FAM177A1: variants seen among roughly 807,000 people sequenced by gnomAD.
The protein encoded by FAM177A1 is family with sequence similarity 177 member A1, also known as protein FAM177A1.
Under a neutral mutation model 26.1 loss-of-function variants are expected in FAM177A1, and 22 were observed. The ratio of observed to expected loss-of-function variants is 0.84; its 90% CI spans 0.60 to 1.20. FAM177A1 has a LOEUF of 1.20. Ranked by LOEUF, FAM177A1 falls within the 50% of genes most tolerant of loss-of-function variation. The pLI, the probability that FAM177A1 is intolerant of heterozygous loss-of-function variation, is 0.00. For synonymous variants in FAM177A1, 95 were observed against 99.3 expected (o/e 0.96, Z 0.26); for missense variants, 296 against 291.1 (o/e 1.02, Z -0.12).
intron 1 of FAM177A1, chr14:35,046,864 G>T (rs1450922049): frequency 3.3e-5 from 44 of 1,325,970 alleles, no homozygotes; most frequent in Non-Finnish European, 4.2e-5. Context: ...GCGGCCTCGG[G>T]TTCCTGGGGT....
chr14:35,079,693 A>G lies in FAM177A1; in HGVS notation c.504+669A>G, dbSNP rs139039494. 1.6e-4 allele frequency among the ~76,000 whole-genome samples: 24 copies of G among 152,240 alleles called. 1 individual carries two copies. In the East Asian group the frequency reaches 4.3e-3, roughly 27 times the overall value. On this transcript the variant is annotated intron_variant, in intron 4 of 4. Transcript: ENST00000280987. Reference sequence around the variant, plus strand: ...AGCATCCATGCTCGGGGGCTGCTCTACAGATTAAATACATTAATATATAAA... The same window carrying G: ...AGCATCCATGCTCGGGGGCTGCTCTGCAGATTAAATACATTAATATATAAA...
intron 2 of FAM177A1, among the ~76,000 whole-genome samples, chr14:35,057,960 A>G (rs1198722878): frequency 6.6e-6 from 1 of 152,102 alleles, no homozygotes; most frequent in African/African-American, 2.4e-5. Flanking sequence ...TGTTGTTGAA[A>G]GTGTTCTATA....
At chr14:35,054,478 CGGTGATATAGCAGTG>C (rs2045028497) in intron 2 of FAM177A1, among the ~76,000 whole-genome samples, 1 of 151,808 alleles carries the variant, frequency 6.6e-6, no homozygotes, top group Non-Finnish European at 1.5e-5. Flanking sequence ...TTTTAGGTGC[CGGTGATATAGCAGTG>C]GGTGATATAA....
chr14:35,070,796 A>G (rs1301353393), intron 2 of FAM177A1, among the ~76,000 whole-genome samples: 1 of 152,122 alleles, frequency 6.6e-6, no homozygotes, highest in African/African-American at 2.4e-5. Flanking sequence ...TAGGCTTAAT[A>G]TTATAATTAT....
At position 35,081,211 on chromosome 14, in the gene FAM177A1, GTC is replaced by G. The variant is rs746515534; in HGVS notation, c.698_699del (p.Ser233CysfsTer6). The G allele has an allele frequency of 2.5e-6, 4 of 1,612,182 alleles. No individual in the cohort carries two copies. In the African/African-American group the frequency reaches 4.0e-5, roughly 16 times the overall value. On this transcript the variant is annotated frameshift_variant, in exon 5 of 5. Coordinates refer to ENST00000280987, the MANE Select transcript of FAM177A1 (RefSeq NM_173607.5). LOFTEE classifies it high-confidence loss of function. ...AATTATGGAAAGCAAGCAAAATCCA[GTC>G]TCTGTCCCACCATAAAATGAAATGA... ...EVIMESKQNP[V>X]SVPP is the part of the protein sequence containing the mutation.
intron 2 of FAM177A1, among the ~76,000 whole-genome samples, chr14:35,059,955 G>A (rs1251938755): frequency 6.6e-6 from 1 of 152,000 alleles, no homozygotes; most frequent in African/African-American, 2.4e-5. Flanking sequence ...GTGAGCCACT[G>A]CGCCTGGCTG....
intron 1 of FAM177A1, chr14:35,046,893 C>G (rs799474): frequency 0.54 from 687,754 of 1,271,432 alleles, 189,506 homozygotes; most frequent in Non-Finnish European, 0.57. Flanking sequence ...AGCTTCTGGT[C>G]TACCAGAGGA....
chr14:35,052,864 G>GTGAGCCGTGATTGCAC (rs1452133594), intron 1 of FAM177A1, among the ~76,000 whole-genome samples: 3 of 152,098 alleles, frequency 2.0e-5, no homozygotes, highest in Non-Finnish European at 4.4e-5. Flanking sequence ...TGAGATTGCA[G>GTGAGCCGTGATTGCAC]TGAGCCGTGA....
chr14:35,054,464 A>G (rs189837601), intron 2 of FAM177A1, among the ~76,000 whole-genome samples: 3 of 152,274 alleles, frequency 2.0e-5, no homozygotes, highest in Middle Eastern at 3.4e-3. Flanking sequence ...TCTAACAGGT[A>G]CTATTTTAGG....
At position 35,081,120 on chromosome 14, in the gene FAM177A1, A is replaced by T; in HGVS notation, c.603A>T (p.Gln201His). The T allele has an allele frequency of 6.2e-7, 1 of 1,613,838 alleles. No homozygotes were observed. The highest frequency in any genetic ancestry group is 8.5e-7 in the Non-Finnish European group (1 of 1,179,910). Reference protein sequence around the residue: ...LQTDSIVQTDQPETVISSSFV... With the variant: ...LQTDSIVQTDHPETVISSSFV... ...CTGATTCCATTGTTCAGACAGATCA[A>T]CCAGAGACAGTGATATCCAGCTCAT... The change falls in exon 5 of 5, where the codon CAA becomes CAT. Residue 201 changes from glutamine to histidine, a missense_variant. Coordinates refer to ENST00000280987, the MANE Select transcript of FAM177A1 (RefSeq NM_173607.5).
intron 2 of FAM177A1, among the ~76,000 whole-genome samples, chr14:35,064,424 G>T (rs2045208493): frequency 6.6e-6 from 1 of 151,954 alleles, no homozygotes; most frequent in Admixed American, 6.6e-5. Context: ...GATTTTTTTA[G>T]GCAATATGAG....
chr14:35,067,670 T>C (rs2045259877), intron 2 of FAM177A1, among the ~76,000 whole-genome samples: 1 of 152,244 alleles, frequency 6.6e-6, no homozygotes, highest in African/African-American at 2.4e-5. Flanking sequence ...CCCTTTTCTC[T>C]ACATCCTTGC....
chr14:35,056,790 A>G (rs1379818994), intron 2 of FAM177A1, among the ~76,000 whole-genome samples: 1 of 151,950 alleles, frequency 6.6e-6, no homozygotes, highest in African/African-American at 2.4e-5. Flanking sequence ...TTTTTGAGTC[A>G]GTTGTGTATG....
chr14:35,080,932 T>TTTTA, intron 4 of FAM177A1, 90 bp from the exon 5 acceptor site: 2 of 1,303,892 alleles, frequency 1.5e-6, no homozygotes, highest in Admixed American at 3.6e-5. Context: ...TTTTTTTTTT[T>TTTTA]AAACATAAGC....
intron 2 of FAM177A1, among the ~76,000 whole-genome samples, chr14:35,070,971 T>C (rs570131433): frequency 1.3e-5 from 2 of 151,742 alleles, no homozygotes; most frequent in South Asian, 4.2e-4. Flanking sequence ...ATTTTTCTTA[T>C]ATTGACCTCC....
At chr14:35,078,077 G>T (rs1043039178) in intron 3 of FAM177A1, among the ~76,000 whole-genome samples, 1 of 151,954 alleles carries the variant, frequency 6.6e-6, no homozygotes, top group Admixed American at 6.6e-5. Context: ...ATCACTTTCT[G>T]CATTTTATTA....
At chr14:35,048,356 T>A (rs2044908249) in intron 1 of FAM177A1, among the ~76,000 whole-genome samples, 1 of 152,148 alleles carries the variant, frequency 6.6e-6, no homozygotes, top group African/African-American at 2.4e-5. Context: ...GCTCTTTGAT[T>A]GGGGTTAGTG....
At chr14:35,060,614 GTTTA>G (rs1229538349) in intron 2 of FAM177A1, among the ~76,000 whole-genome samples, 4 of 152,000 alleles carry the variant, frequency 2.6e-5, no homozygotes, top group Admixed American at 6.6e-5. Flanking sequence ...TTATTTGCCT[GTTTA>G]TTTGTTTAGT....
intron 2 of FAM177A1, among the ~76,000 whole-genome samples, chr14:35,057,840 A>T (rs754759214): frequency 6.6e-6 from 1 of 152,078 alleles, no homozygotes; most frequent in Non-Finnish European, 1.5e-5. Flanking sequence ...ATCAGAGAAC[A>T]TACTTTATAT....
Sources: allele counts gnomAD v4.1 joint callset (sites outside exome capture counted in the v4.1 genomes callset), GRCh38; gene constraint gnomAD v4.1.1; transcripts MANE v1.5; gene names NCBI Gene and HGNC (gene_info 2026-07-23, HGNC 2026-07-21).